The following MXRA5 variants were observed in gnomAD, a reference collection of about 807,000 sequenced individuals.
The protein encoded by MXRA5 is matrix remodeling associated 5.
Under a neutral mutation model 112.5 loss-of-function variants are expected in MXRA5, and 41 were observed. The observed-to-expected ratio is 0.36, with a 90% CI of 0.28 to 0.47. The LOEUF (loss-of-function observed/expected upper bound fraction) is 0.47. Ranked by LOEUF, MXRA5 falls within the 20% of genes least tolerant of loss-of-function variation. The pLI, the probability that MXRA5 is intolerant of heterozygous loss-of-function variation, is 0.99. For missense variants in MXRA5, 2,150 were observed against 2,251.0 expected (o/e 0.96, Z 0.91); for synonymous variants, 862 against 900.8 (o/e 0.96, Z 0.77).
rs1221882542 is a variant in MXRA5 at position 3,346,551 on chromosome X, G to T, written c.-65C>A. 1.7e-5 allele frequency: 13 copies of T among 753,133 alleles called. No homozygotes were observed. The highest frequency in any genetic ancestry group is 6.8e-5 in the South Asian group (1 of 14,688). 62.1% of individuals were successfully genotyped at this position (753,133 alleles called of 1,213,427 possible). On this transcript the variant is annotated 5_prime_UTR_variant, in exon 1 of 7. Coordinates refer to ENST00000217939, the MANE Select transcript of MXRA5 (RefSeq NM_015419.4). ...AAGCCGCCGCACACGGGAGCGGTGC[G>T]CCGGGAGCATCCACCGAGCCGGGGC...
rs1161317207 is a variant in MXRA5, at chrX:3,316,090, G to A, written c.6578+1013C>T. ...AGCACACACTGGGGCCGGGCGCGGC[G>A]GATCAGGAGGTCAGGAGATCGAGAC... On this transcript the variant is annotated intron_variant, in intron 6 of 6. Transcript: ENST00000217939. Among the ~76,000 whole-genome samples, 6 of 40,057 alleles carry A rather than the reference G, an allele frequency of 1.5e-4. 1 individual carries two copies. Among genetic ancestry groups the A allele is most frequent in the Non-Finnish European group, 2.1e-4 (5 of 24,012 alleles). 34.8% of individuals were successfully genotyped at this position (40,057 alleles called of 115,157 possible).
intron 2 of MXRA5, among the ~76,000 whole-genome samples, chrX:3,334,475 A>G (rs1210471454): frequency 9.0e-6 from 1 of 111,477 alleles, no homozygotes; most frequent in South Asian, 3.8e-4. Context: ...GGACTGCTAC[A>G]GAGTTTCTGG....
chrX:3,313,364 A>T (rs980561183), intron 6 of MXRA5, among the ~76,000 whole-genome samples: 3 of 112,405 alleles, frequency 2.7e-5, no homozygotes, highest in African/African-American at 6.5e-5. Flanking sequence ...GGTTCAAATG[A>T]TTCTCCTGCC....
rs1350922906 is a variant in MXRA5 at position 3,337,603 on chromosome X, A to G, written c.188+6043T>C. Among the ~76,000 whole-genome samples the G allele has an allele frequency of 2.7e-5, 3 of 111,961 alleles. No homozygotes were observed. The Admixed American group carries it at 2.9e-4, about 11-fold the overall frequency. On this transcript the variant is annotated intron_variant, in intron 2 of 6. Transcript: ENST00000217939. Reference sequence around the variant, plus strand: ...AGCATCTATCTGTTATAATCTATATATCAATTATATATCTATTCATCCATG... The same window carrying G: ...AGCATCTATCTGTTATAATCTATATGTCAATTATATATCTATTCATCCATG...
Position 3,327,032 on chromosome X carries a change from G to A in MXRA5, c.710-2057C>T, listed in dbSNP as rs374012206. On this transcript the variant is annotated intron_variant, in intron 4 of 6. Transcript: ENST00000217939. ...GACCTAAATGTAGAATCTCGTGCCT[G>A]TTCTATCTCAGTAAGTGATGCCATA... Among the ~76,000 whole-genome samples, 109 of 111,226 alleles carry A rather than the reference G, an allele frequency of 9.8e-4. 1 individual carries two copies. The South Asian group carries it at 0.022, about 22-fold the overall frequency.
chrX:3,325,125 G>C, intron 4 of MXRA5, 150 bp from the exon 5 acceptor site: 1 of 660,153 alleles, frequency 1.5e-6, no homozygotes, highest in African/African-American at 2.2e-5. Flanking sequence ...TGCCTTTGAG[G>C]CTTCATGTTA....
Position 3,309,712 on chromosome X carries a change from C to G in MXRA5, c.*4G>C. ...TCCTAAGCAATCATTCTGGAATCCACATTTCAGAAGACGTGGATGTAAGTT... is the reference window on the plus strand; with the variant it reads ...TCCTAAGCAATCATTCTGGAATCCAGATTTCAGAAGACGTGGATGTAAGTT... On this transcript the variant is annotated 3_prime_UTR_variant, in exon 7 of 7. Transcript: ENST00000217939. 8.3e-7 allele frequency: 1 copy of G among 1,203,498 alleles called. No individual in the cohort carries two copies. The highest frequency in any genetic ancestry group is 1.7e-5 in the African/African-American group (1 of 57,704).
intron 2 of MXRA5, among the ~76,000 whole-genome samples, chrX:3,339,710 C>T (rs1921871111): frequency 8.9e-6 from 1 of 111,735 alleles, no homozygotes; most frequent in Admixed American, 9.6e-5. Context: ...CAAGGGTATA[C>T]ATGTCCCCTT....
chrX:3,346,379 A>C (rs1922108506), intron 1 of MXRA5, 136 bp downstream of exon 1: 1 of 277,396 alleles, frequency 3.6e-6, no homozygotes, highest in African/African-American at 2.9e-5. Flanking sequence ...AACTTCAAAC[A>C]GTGCTGGGGA....
At chrX:3,328,908 G>A (rs1234952450) in intron 4 of MXRA5, among the ~76,000 whole-genome samples, 2 of 99,896 alleles carry the variant, frequency 2.0e-5, no homozygotes, top group Non-Finnish European at 4.1e-5. Flanking sequence ...ATGAAGGAAG[G>A]GAGGGAGGGA....
Position 3,330,693 on chromosome X carries a change from T to C in MXRA5, c.269A>G (p.Glu90Gly), listed in dbSNP as rs770584498. 2.1e-5 allele frequency: 25 copies of C among 1,207,628 alleles called. No homozygotes were observed. The highest frequency in any genetic ancestry group is 2.7e-5 in the Non-Finnish European group (24 of 894,093). ...AGCTCCATCGGGGATGCTTGGGATCTCATTGCCGTGAATCATAAGTAGCTC... is the reference window on the plus strand; with the variant it reads ...AGCTCCATCGGGGATGCTTGGGATCCCATTGCCGTGAATCATAAGTAGCTC... ...KLELLMIHGN[E>G]IPSIPDGALR... The change falls in exon 3 of 7, where the codon GAG (glutamate) becomes GGG (glycine). Residue 90 changes from glutamate (E) to glycine (G), a missense_variant. By Grantham distance (98) the Glu-to-Gly change is moderately conservative. Around this residue, in one of 6 missense-constraint regions of MXRA5, gnomAD observed 386 missense variants for 411.0 expected, o/e 0.94. Coordinates refer to ENST00000217939, the MANE Select transcript of MXRA5 (RefSeq NM_015419.4).
At chrX:3,319,612 T>A (rs191834812) in intron 5 of MXRA5, among the ~76,000 whole-genome samples, 1 of 111,934 alleles carries the variant, frequency 8.9e-6, no homozygotes, top group Non-Finnish European at 1.9e-5. Flanking sequence ...CTGGTTGAAG[T>A]GTAGATTGGG....
rs1922117160 is a variant in MXRA5 at position 3,346,642 on chromosome X, G to A, written c.-156C>T. 1.5e-5 allele frequency: 10 copies of A among 646,313 alleles called. No homozygotes were observed. The highest frequency in any genetic ancestry group is 1.5e-5 in the Non-Finnish European group (8 of 541,188). 53.3% of individuals were successfully genotyped at this position (646,313 alleles called of 1,213,427 possible). A position where few individuals can be genotyped will look rare whatever the true frequency, so the allele number is the denominator to read the frequency against. On this transcript the variant is annotated 5_prime_UTR_variant, in exon 1 of 7. Transcript: ENST00000217939. ...CCCGGGGCCGGGGGTGAGGCAGCTCGGCTTCCCAGCGCGGCACAGCAAGCC... is the reference window on the plus strand; with the variant it reads ...CCCGGGGCCGGGGGTGAGGCAGCTCAGCTTCCCAGCGCGGCACAGCAAGCC...
At chrX:3,332,847 G>T (rs746778748) in intron 2 of MXRA5, among the ~76,000 whole-genome samples, 27 of 111,608 alleles carry the variant, frequency 2.4e-4, no homozygotes, top group Non-Finnish European at 4.9e-4. Flanking sequence ...TAAAAGAATT[G>T]GGCTCATAGC....
rs1448115817 is a variant in MXRA5 at position 3,323,547 on chromosome X, C to G, written c.2138G>C (p.Arg713Thr). The G allele has an allele frequency of 1.7e-6, 2 of 1,211,010 alleles. No individual in the cohort carries two copies. The highest frequency in any genetic ancestry group is 4.4e-5 in the Admixed American group (2 of 45,954). The change falls in exon 5 of 7, where the codon AGA becomes ACA. Residue 713 changes from arginine to threonine, a missense_variant. Arg to Thr is a moderately conservative substitution (Grantham distance 71, BLOSUM62 -1). This residue lies in a region of MXRA5 where 1,485 missense variants were observed against 1,471.6 expected (regional missense o/e 1.01). Coordinates refer to ENST00000217939, the MANE Select transcript of MXRA5 (RefSeq NM_015419.4). The stretch of plus-strand genomic sequence containing the variant: ...CTCTTGGTCCTTTGGATGCAGAAGT[C>G]TCCTTGAAGTGTTCTCTTCATCTCC... ...GMGDEENTSR[R>T]LLHPKDQEVF...
At chrX:3,314,926 A>G (rs1046137689) in intron 6 of MXRA5, among the ~76,000 whole-genome samples, 16 of 110,561 alleles carry the variant, frequency 1.4e-4, no homozygotes, top group Non-Finnish European at 2.7e-4. Flanking sequence ...ATAGATAGAT[A>G]TGGGTGGATG....
intron 6 of MXRA5, among the ~76,000 whole-genome samples, chrX:3,312,642 G>A (rs1318366028): frequency 3.7e-5 from 4 of 106,938 alleles, no homozygotes; most frequent in South Asian, 4.2e-4. Flanking sequence ...GCTAACTGTA[G>A]TCTCGATCTC....
intron 4 of MXRA5, 23 bp downstream of exon 4, chrX:3,329,995 G>C (rs774727448): frequency 2.2e-5 from 26 of 1,195,760 alleles, no homozygotes; most frequent in Non-Finnish European, 2.9e-5. Context: ...AGCTAGGAGT[G>C]GTCTGCTCTC....
At position 3,311,127 on chromosome X, in the gene MXRA5, G is replaced by A. The variant is rs1445780963; in HGVS notation, c.7076C>T (p.Pro2359Leu). 3 of 1,211,478 alleles carry A rather than the reference G, an allele frequency of 2.5e-6. No homozygotes were observed. The highest frequency in any genetic ancestry group is 5.9e-5 in the East Asian group (2 of 33,799). Residue 2359 changes from proline (P) to leucine (L), a missense_variant, in exon 7 of 7, where the codon CCC becomes CTC. Physicochemically the swap from Pro to Leu is moderately conservative, Grantham distance 98. Around this residue, in one of 6 missense-constraint regions of MXRA5, gnomAD observed 1,485 missense variants for 1,471.6 expected, o/e 1.01. Coordinates refer to ENST00000217939, the MANE Select transcript of MXRA5 (RefSeq NM_015419.4). ...RNKTYLAVQV[P>L]YGDVVTVACE... ...GGCTACAGTGACCACGTCTCCATAGGGCACCTGAACCGCCAAGTAAGTCTT... is the reference window on the plus strand; with the variant it reads ...GGCTACAGTGACCACGTCTCCATAGAGCACCTGAACCGCCAAGTAAGTCTT...
Sources: gnomAD v4.1 joint callset for allele counts (sites outside exome capture counted in the v4.1 genomes callset) on GRCh38, gnomAD v4.1.1 for gene constraint, gnomAD v4.1.1 regional missense constraint, MANE v1.5 for transcripts, NCBI Gene and HGNC (gene_info 2026-07-23, HGNC 2026-07-21) for gene names.